BAZ2B: variants seen among roughly 807,000 people sequenced by gnomAD.
BAZ2B encodes bromodomain adjacent to zinc finger domain protein 2B.
Under a neutral mutation model 246.0 loss-of-function variants are expected in BAZ2B, and 91 were observed. The observed-to-expected ratio is 0.37, with a 90% CI of 0.31 to 0.44. The LOEUF is 0.44. Among genes scored for constraint, BAZ2B ranks in the 20% least tolerant of loss-of-function variants. The pLI, the probability that BAZ2B is intolerant of heterozygous loss-of-function variation, is 1.00. For synonymous variants in BAZ2B, 855 were observed against 860.0 expected, an observed-to-expected ratio of 0.99 and a Z score of 0.10; for missense variants, 2,332 against 2,533.7, an observed-to-expected ratio of 0.92 and a Z score of 1.71.
the BAZ2B span, among the ~76,000 whole-genome samples, chr2:159,642,723 A>G: frequency 6.6e-6 from 1 of 152,224 alleles, no homozygotes; most frequent in Non-Finnish European, 1.5e-5. Flanking sequence ...AAAATGTTTT[A>G]TCTTTGTTAA....
intron 2 of BAZ2B, among the ~76,000 whole-genome samples, chr2:159,540,622 T>C (rs185521243): frequency 2.0e-4 from 30 of 152,336 alleles, no homozygotes; most frequent in South Asian, 1.9e-3. Context: ...TTTGAGAGTA[T>C]TGTAGTAAAA....
chr2:159,335,208 T>C (rs1435202558), intron 33 of BAZ2B, among the ~76,000 whole-genome samples: 4 of 152,218 alleles, frequency 2.6e-5, no homozygotes, highest in Non-Finnish European at 1.5e-5. Context: ...TATTTGTACC[T>C]GGTAAAAACA....
the BAZ2B span, among the ~76,000 whole-genome samples, chr2:159,626,879 CCT>C: frequency 6.6e-6 from 1 of 151,896 alleles, no homozygotes; most frequent in South Asian, 2.1e-4. Flanking sequence ...GAATCCAGGA[CCT>C]GGTTTTTTGA....
chr2:159,651,067 AC>A, the BAZ2B span, among the ~76,000 whole-genome samples: 10,126 of 152,304 alleles, frequency 0.066, 440 homozygotes, highest in Middle Eastern at 0.19. Flanking sequence ...CCTTAAAAAA[AC>A]ATTGTGATTA....
At chr2:159,447,111 G>GGA in intron 5 of BAZ2B, 136 bp from the exon 6 acceptor site, 1 of 595,616 alleles carries the variant, frequency 1.7e-6, no homozygotes, top group Non-Finnish European at 2.6e-6. Context: ...CATGTTGTAT[G>GGA]ATTCCATCTA....
intron 2 of BAZ2B, among the ~76,000 whole-genome samples, chr2:159,551,422 C>T (rs1276594472): frequency 7.4e-6 from 1 of 135,950 alleles, no homozygotes; most frequent in East Asian, 2.1e-4. Context: ...TGGGCCAAGA[C>T]TACACCACTG....
In BAZ2B at chr2:159,400,663, T is replaced by C; in HGVS notation, c.2834A>G (p.Glu945Gly). ...KEQIKIMKQQ[E>G]KIKRIQQIRM... ...GATTTGCTGTATTCTCTTAATTTTT[T>C]CCTGTAGGAAAAGTTATGATAACTT... The change falls in exon 17 of 37, where the codon GAA (glutamate) becomes GGA (glycine). Residue 945 changes from glutamate (E) to glycine (G), a missense_variant and splice_region_variant. By Grantham distance (98) the Glu-to-Gly change is moderately conservative (BLOSUM62 -2). This residue lies in a region of BAZ2B where 651 missense variants were observed against 650.9 expected (regional missense o/e 1.00). Transcript: ENST00000392783. 6.5e-7 allele frequency: 1 copy of C among 1,546,276 alleles called. No homozygotes were observed. The highest frequency in any genetic ancestry group is 8.9e-7 in the Non-Finnish European group (1 of 1,128,354).
rs151273036 is a variant in BAZ2B at position 159,334,422 on chromosome 2, C to G, written c.5797-1736G>C. ...ATTATCTGGAGGCAAATTATGACAA[C>G]TCCCTCTTTTTCTTGATAACCTTGG... On this transcript the variant is annotated intron_variant, in intron 33 of 36. Transcript: ENST00000392783. Among the ~76,000 whole-genome samples the G allele has an allele frequency of 4.6e-3, 700 of 152,244 alleles. 1 individual carries two copies. The highest frequency in any genetic ancestry group is 0.016 in the African/African-American group (673 of 41,556).
At chr2:159,352,402 T>C (rs1263189438) in intron 27 of BAZ2B, among the ~76,000 whole-genome samples, 1 of 152,134 alleles carries the variant, frequency 6.6e-6, no homozygotes, top group African/African-American at 2.4e-5. Flanking sequence ...AATCATGATG[T>C]TTGTTTATTT....
At chr2:159,574,370 C>A (rs1220750580) in intron 1 of BAZ2B, among the ~76,000 whole-genome samples, 2 of 151,814 alleles carry the variant, frequency 1.3e-5, no homozygotes, top group Non-Finnish European at 1.5e-5. Context: ...ACAAAAAAAA[C>A]CTAATAAGTG....
chr2:159,477,098 C>T (rs1335357713), intron 3 of BAZ2B, among the ~76,000 whole-genome samples: 3 of 152,016 alleles, frequency 2.0e-5, no homozygotes, highest in African/African-American at 4.8e-5. Context: ...GAGGTCAGGA[C>T]ATCAAGACCA....
chr2:159,701,952 C>A, the BAZ2B span, among the ~76,000 whole-genome samples: 1 of 152,144 alleles, frequency 6.6e-6, no homozygotes, highest in Admixed American at 6.5e-5. Flanking sequence ...TGGTCTCGAA[C>A]TCCTGACCTC....
intron 24 of BAZ2B, among the ~76,000 whole-genome samples, chr2:159,383,101 TACTA>T (rs2062201741): frequency 6.6e-6 from 1 of 152,158 alleles, no homozygotes; most frequent in African/African-American, 2.4e-5. Context: ...TCTGATCCCA[TACTA>T]ACTGACTGAA....
chr2:159,674,346 A>G, the BAZ2B span, among the ~76,000 whole-genome samples: 22 of 151,344 alleles, frequency 1.5e-4, no homozygotes, highest in Non-Finnish European at 4.4e-5. Flanking sequence ...GAAAAAAAAA[A>G]AAAAGAAAGA....
the BAZ2B span, among the ~76,000 whole-genome samples, chr2:159,666,628 G>C: frequency 2.8e-4 from 42 of 152,006 alleles, no homozygotes; most frequent in Admixed American, 7.9e-4. Flanking sequence ...GGCCAAAGTG[G>C]GTGGATCACT....
chr2:159,357,597 A>G (rs941463640), intron 27 of BAZ2B, among the ~76,000 whole-genome samples: 7 of 151,290 alleles, frequency 4.6e-5, no homozygotes, highest in Non-Finnish European at 8.9e-5. Context: ...ACAGGCCAAC[A>G]TTAAAAAATA....
chr2:159,441,176 A>G (rs1344813132), intron 6 of BAZ2B, among the ~76,000 whole-genome samples: 1 of 152,224 alleles, frequency 6.6e-6, no homozygotes, highest in African/African-American at 2.4e-5. Flanking sequence ...GTAAGGGATA[A>G]CAAAGAAAAG....
chr2:159,324,994 C>T (rs2063247794), intron 35 of BAZ2B, 40 bp from the exon 36 acceptor site: 1 of 1,301,656 alleles, frequency 7.7e-7, no homozygotes, highest in Non-Finnish European at 9.9e-7. Context: ...CCATACTTTA[C>T]AACTGTCTTA....
chr2:159,426,060 A>C (rs1454746099), intron 13 of BAZ2B, among the ~76,000 whole-genome samples: 1 of 152,186 alleles, frequency 6.6e-6, no homozygotes, highest in Non-Finnish European at 1.5e-5. Flanking sequence ...CAAAATTACG[A>C]ATGTTTTCCC....
Sources: allele counts gnomAD v4.1 joint callset (sites outside exome capture counted in the v4.1 genomes callset), GRCh38; gene constraint gnomAD v4.1.1; regional missense constraint gnomAD v4.1.1; transcripts MANE v1.5; gene names NCBI Gene and HGNC (gene_info 2026-07-23, HGNC 2026-07-21).